Variants in NACC2 observed in about 807,000 individuals in gnomAD.
NACC2 encodes the protein NACC family member 2, also known as nucleus accumbens-associated protein 2.
In NACC2, 8 loss-of-function variants were observed where a neutral mutation model predicts 25.1. The observed-to-expected ratio is 0.32, with a 90% confidence interval of 0.19 to 0.57. NACC2 has a LOEUF of 0.57. Ranked by LOEUF, NACC2 falls within the 20% of genes least tolerant of loss-of-function variation. The pLI is 0.89. For missense variants in NACC2, 644 were observed against 650.2 expected (o/e 0.99, Z 0.10); for synonymous variants, 435 against 294.7 (o/e 1.48, Z -4.88).
In NACC2 at chr9:136,050,473, G is replaced by C; in HGVS notation, c.49C>G (p.Leu17Val). Residue 17 changes from leucine (L) to valine (V), a missense_variant, in exon 2 of 6, where the codon CTG becomes GTG. Coordinates refer to ENST00000277554, the MANE Select transcript of NACC2 (RefSeq NM_144653.5). ...IEIPNFGNTV[L>V]GCLNEQRLLG... ...AGGCGCTGCTCGTTCAGGCAGCCCA[G>C]CACTGTGTTCCCGAAGTTGGGGATC... 1 of 765,820 alleles carries C rather than the reference G, an allele frequency of 1.3e-6. No individual in the cohort carries two copies. The highest frequency in any genetic ancestry group is 2.4e-6 in the Non-Finnish European group (1 of 417,518). 47.4% of individuals were successfully genotyped at this position (765,820 alleles called of 1,614,324 possible).
Position 136,014,263 on chromosome 9 carries a change from G to A in NACC2, c.1052-294C>T, listed in dbSNP as rs772440496. On this transcript the variant is annotated intron_variant, in intron 3 of 5. Transcript: ENST00000277554. The stretch of plus-strand genomic sequence containing the variant: ...CGAGCCCCAAACTCCAAGCTCTCCC[G>A]GCCATGCTGCGGTCCCCGGCCTCAG... Among the ~76,000 whole-genome samples the A allele has an allele frequency of 2.5e-4, 36 of 145,988 alleles. 1 individual carries two copies. The highest frequency in any genetic ancestry group is 4.2e-4 in the African/African-American group (17 of 40,216).
In NACC2 at chr9:136,022,717, C is replaced by T. The variant is rs1487979278; in HGVS notation, c.887-6288G>A. The stretch of plus-strand genomic sequence containing the variant: ...AGGGCCCATCAACTACCAGTGCTGG[C>T]TGGGGCAGTGCCTCTGTCATCCTCC... On this transcript the variant is annotated intron_variant, in intron 2 of 5. Transcript: ENST00000277554. The surrounding 1 kb of genome is among the most constrained non-coding windows in gnomAD (Gnocchi z 4.4). Among the ~76,000 whole-genome samples the T allele has an allele frequency of 6.6e-6, 1 of 152,136 alleles. No homozygotes were observed. Among genetic ancestry groups the T allele is most frequent in the Non-Finnish European group, 1.5e-5 (1 of 68,034 alleles).
intron 1 of NACC2, among the ~76,000 whole-genome samples, chr9:136,091,168 T>G (rs1252798289): frequency 1.3e-5 from 2 of 152,140 alleles, no homozygotes; most frequent in Non-Finnish European, 2.9e-5. Flanking sequence ...TAAAGGGTAG[T>G]GAGCCTTACA....
chr9:136,090,093 TA>T (rs1588586877), intron 1 of NACC2, among the ~76,000 whole-genome samples: 2 of 152,292 alleles, frequency 1.3e-5, no homozygotes, highest in East Asian at 3.9e-4. Flanking sequence ...AAAACTCTGT[TA>T]AAGCTGATTT....
chr9:136,043,387 T>C (rs1308598992), intron 2 of NACC2, among the ~76,000 whole-genome samples: 6 of 152,122 alleles, frequency 3.9e-5, no homozygotes, highest in Non-Finnish European at 8.8e-5. Context: ...GAAATGCAAA[T>C]AGAAACTACA....
intron 1 of NACC2, among the ~76,000 whole-genome samples, chr9:136,091,751 AG>A (rs1272737168): frequency 6.6e-6 from 1 of 152,120 alleles, no homozygotes; most frequent in Admixed American, 6.5e-5. Context: ...CACAGTAAGG[AG>A]CCCCAGCCAG....
At position 136,011,410 on chromosome 9, in the gene NACC2, A is replaced by C; in HGVS notation, c.*106T>G. 8.5e-7 allele frequency: 1 copy of C among 1,177,248 alleles called. No homozygotes were observed. Among genetic ancestry groups the C allele is most frequent in the Non-Finnish European group, 1.1e-6 (1 of 917,414 alleles). The allele number at this position is 1,177,248 out of a possible 1,614,324, so 72.9% of individuals were successfully genotyped here. A position where few individuals can be genotyped will look rare whatever the true frequency, so the allele number is the denominator to read the frequency against. ...AATAAAAATCACATTTTTCTCAGGC[A>C]ACAGTAGCAGTTCAGTAGGTAAGTG... On this transcript the variant is annotated 3_prime_UTR_variant, in exon 6 of 6. Transcript: ENST00000277554.
intron 1 of NACC2, among the ~76,000 whole-genome samples, chr9:136,074,679 C>T (rs995300393): frequency 5.9e-5 from 9 of 151,860 alleles, no homozygotes; most frequent in Admixed American, 3.3e-4. Context: ...CAATACTGAC[C>T]GTGCCTCCAC....
At chr9:136,043,383 C>A (rs1371868209) in intron 2 of NACC2, among the ~76,000 whole-genome samples, 1 of 152,194 alleles carries the variant, frequency 6.6e-6, no homozygotes. Flanking sequence ...CAGGGAAATG[C>A]AAATAGAAAC....
rs1269018690 is a variant in NACC2, at chr9:136,022,112, C to G, written c.887-5683G>C. 6.6e-6 allele frequency among the ~76,000 whole-genome samples: 1 copy of G among 152,246 alleles called. No individual in the cohort carries two copies. Among genetic ancestry groups the G allele is most frequent in the Non-Finnish European group, 1.5e-5 (1 of 68,046 alleles). ...CACATGCCCTGCACTATCTCTGCAG[C>G]TGCCGGCTTGGCACAGACCAGCTCT... On this transcript the variant is annotated intron_variant, in intron 2 of 5. Coordinates refer to ENST00000277554, the MANE Select transcript of NACC2 (RefSeq NM_144653.5). The surrounding 1 kb of genome is among the most constrained non-coding windows in gnomAD (Gnocchi z 4.4).
intron 1 of NACC2, among the ~76,000 whole-genome samples, chr9:136,075,322 T>TG (rs1464294166): frequency 6.6e-6 from 1 of 152,180 alleles, no homozygotes; most frequent in African/African-American, 2.4e-5. Context: ...CTGGGATACT[T>TG]GGGGGGAAAG....
Position 136,019,603 on chromosome 9 carries a change from C to G in NACC2, c.887-3174G>C, listed in dbSNP as rs189546843. The G allele has an allele frequency of 6.6e-6, 1 of 152,248 alleles. No homozygotes were observed. The highest frequency in any genetic ancestry group is 1.5e-5 in the Non-Finnish European group (1 of 68,078). The allele number at this position is 152,248 out of a possible 1,614,324, so 9.4% of individuals were successfully genotyped here. A position where few individuals can be genotyped will look rare whatever the true frequency, so the allele number is the denominator to read the frequency against. On this transcript the variant is annotated intron_variant, in intron 2 of 5. Coordinates refer to ENST00000277554, the MANE Select transcript of NACC2 (RefSeq NM_144653.5). The surrounding 1 kb of genome is among the most constrained non-coding windows in gnomAD (Gnocchi z 5.2). ...AGCTAACTGCATGGAGGTGAACAAC[C>G]GCGCCCCCACACAGGGAAGGTGCAC...
intron 2 of NACC2, among the ~76,000 whole-genome samples, chr9:136,025,758 C>T (rs1840377669): frequency 6.6e-6 from 1 of 151,412 alleles, no homozygotes; most frequent in South Asian, 2.1e-4. Flanking sequence ...ACTAAAAATA[C>T]AAAAAAATTA....
rs1389041492 is a variant in NACC2 at position 136,016,307 on chromosome 9, A to G, written c.1009T>C (p.Tyr337His). ...TTCTCCCCGGGGTCCCCTTCCGAGT[A>G]GAGCTTGGGATGGCAGCGGTATCCG... ...QIGYRCHPKL[Y>H]SEGDPGEKLE... The change falls in exon 3 of 6, where the codon TAC becomes CAC. Residue 337 changes from tyrosine (Y) to histidine (H), a missense_variant. Physicochemically the swap from Tyr to His is moderately conservative, Grantham distance 83. Coordinates refer to ENST00000277554, the MANE Select transcript of NACC2 (RefSeq NM_144653.5). The G allele has an allele frequency of 1.2e-6, 2 of 1,612,894 alleles. No homozygotes were observed. Among genetic ancestry groups the G allele is most frequent in the Non-Finnish European group, 1.7e-6 (2 of 1,179,970 alleles).
chr9:136,073,571 G>A (rs968185519), intron 1 of NACC2, among the ~76,000 whole-genome samples: 2 of 152,132 alleles, frequency 1.3e-5, no homozygotes, highest in Non-Finnish European at 2.9e-5. Flanking sequence ...AAAGTGAAAT[G>A]CACAATTGGT....
chr9:136,018,599 C>G lies in NACC2; in HGVS notation c.887-2170G>C, dbSNP rs77087194. The stretch of plus-strand genomic sequence containing the variant: ...TCCCAGGAAGGGGAGCTTCCCAAGG[C>G]CCAGGGACACCCAAGCAGAGGCTGC... On this transcript the variant is annotated intron_variant, in intron 2 of 5. Coordinates refer to ENST00000277554, the MANE Select transcript of NACC2 (RefSeq NM_144653.5). The surrounding 1 kb of genome is among the most constrained non-coding windows in gnomAD (Gnocchi z 4.4). Among the ~76,000 whole-genome samples, 1 of 152,002 alleles carries G rather than the reference C, an allele frequency of 6.6e-6. No homozygotes were observed. Among genetic ancestry groups the G allele is most frequent in the East Asian group, 1.9e-4 (1 of 5,168 alleles).
chr9:136,075,814 G>A (rs60119969), intron 1 of NACC2, among the ~76,000 whole-genome samples: 4,221 of 152,276 alleles, frequency 0.028, 189 homozygotes, highest in African/African-American at 0.097. Context: ...TCTGAGGCTC[G>A]GGACACAAGA....
chr9:136,060,284 C>T (rs1009164292), intron 1 of NACC2, among the ~76,000 whole-genome samples: 15 of 152,330 alleles, frequency 9.8e-5, no homozygotes, highest in South Asian at 2.1e-4. Flanking sequence ...GAGGGAAAAA[C>T]GGCGGAAGGT....
At chr9:136,051,055 T>C (rs543533862) in intron 1 of NACC2, among the ~76,000 whole-genome samples, 355 of 152,266 alleles carry the variant, frequency 2.3e-3, no homozygotes, top group African/African-American at 8.1e-3. Context: ...GGGGGGTCTC[T>C]GGAGCTGTGC....
Sources: allele counts gnomAD v4.1 joint callset (sites outside exome capture counted in the v4.1 genomes callset), GRCh38; gene constraint gnomAD v4.1.1; non-coding constraint Gnocchi (gnomAD v3.1); transcripts MANE v1.5; gene names NCBI Gene and HGNC (gene_info 2026-07-23, HGNC 2026-07-21).